DMD: variants seen among roughly 807,000 people sequenced by gnomAD.
The protein encoded by DMD is dystrophin, also known as mutant dystrophin.
Under a neutral mutation model 330.1 loss-of-function variants are expected in DMD, and 63 were observed. That is an observed-to-expected ratio of 0.19 (90% confidence interval 0.16 to 0.24). DMD has a LOEUF of 0.24. Among genes scored for constraint, DMD ranks in the 10% least tolerant of loss-of-function variants. The pLI is 1.00. For missense variants in DMD, 3,344 were observed against 2,684.1 expected (o/e 1.25, Z -5.43); for synonymous variants, 1,223 against 959.8 (o/e 1.27, Z -5.07).
chrX:32,869,358 C>T (rs1252960911), intron 2 of DMD, among the ~76,000 whole-genome samples: 1 of 110,874 alleles, frequency 9.0e-6, no homozygotes, highest in Admixed American at 9.6e-5. Flanking sequence ...CAAGTGATTG[C>T]AACTCCTCTC....
At chrX:31,315,974 G>A (rs2055973714) in intron 62 of DMD, among the ~76,000 whole-genome samples, 1 of 112,197 alleles carries the variant, frequency 8.9e-6, no homozygotes, top group Non-Finnish European at 1.9e-5. Flanking sequence ...ACAGACTCTA[G>A]TTCTACTGAA....
intron 17 of DMD, among the ~76,000 whole-genome samples, chrX:32,523,770 T>C (rs1344176245): frequency 9.0e-6 from 1 of 111,535 alleles, no homozygotes; most frequent in African/African-American, 3.3e-5. Flanking sequence ...ATGTCTGCTA[T>C]GACCTGTATA....
intron 2 of DMD, among the ~76,000 whole-genome samples, chrX:32,872,920 C>T (rs920398317): frequency 1.4e-4 from 16 of 111,637 alleles, no homozygotes; most frequent in African/African-American, 4.6e-4. Flanking sequence ...GACTCCAGTG[C>T]CTCATGCATT....
chrX:31,484,066 CCATAAACTG>C (rs1370216394), intron 57 of DMD, among the ~76,000 whole-genome samples: 3 of 110,881 alleles, frequency 2.7e-5, no homozygotes, highest in Non-Finnish European at 5.7e-5. Flanking sequence ...TAATAACTCA[CCATAAACTG>C]CATGTTGTAG....
intron 55 of DMD, among the ~76,000 whole-genome samples, chrX:31,621,943 T>C (rs2078554767): frequency 8.9e-6 from 1 of 112,047 alleles, no homozygotes; most frequent in South Asian, 3.7e-4. Context: ...TGACTTTCTC[T>C]AAACAGAGGT....
chrX:31,541,675 C>A lies in DMD; in HGVS notation c.8218-34222G>T, dbSNP rs532635725. ...CCTACAAAGGACTTGAACTCATCCT[C>A]TTTATGGCTGCATAGTATTCCATGA... On this transcript the variant is annotated intron_variant, in intron 55 of 78. Coordinates refer to ENST00000357033, the MANE Select transcript of DMD (RefSeq NM_004006.3). 4.5e-5 allele frequency among the ~76,000 whole-genome samples: 5 copies of A among 110,875 alleles called. No individual in the cohort carries two copies. In the South Asian group the frequency reaches 1.9e-3, roughly 43 times the overall value.
At chrX:31,427,832 T>C (rs2063798841) in intron 60 of DMD, among the ~76,000 whole-genome samples, 1 of 111,608 alleles carries the variant, frequency 9.0e-6, no homozygotes, top group East Asian at 2.8e-4. Flanking sequence ...CTCTAAGAGA[T>C]TGGTGGCTCC....
intron 1 of DMD, among the ~76,000 whole-genome samples, chrX:33,298,289 G>A (rs190990610): frequency 5.4e-5 from 6 of 111,251 alleles, no homozygotes; most frequent in East Asian, 2.8e-4. Context: ...TGTGTTAGCC[G>A]CACATATCTC....
intron 61 of DMD, among the ~76,000 whole-genome samples, chrX:31,344,111 A>G (rs972114081): frequency 1.2e-4 from 13 of 108,598 alleles, no homozygotes; most frequent in African/African-American, 3.7e-4. Flanking sequence ...TCAGTTTCCC[A>G]AAGAATTGGG....
intron 43 of DMD, among the ~76,000 whole-genome samples, chrX:32,262,850 C>G (rs752071528): frequency 1.4e-3 from 159 of 111,823 alleles, no homozygotes; most frequent in Middle Eastern, 4.6e-3. Context: ...AATGGTCCAC[C>G]TTCCTTGCTT....
At chrX:32,400,320 G>A (rs1179604253) in intron 30 of DMD, among the ~76,000 whole-genome samples, 1 of 111,337 alleles carries the variant, frequency 9.0e-6, no homozygotes, top group Non-Finnish European at 1.9e-5. Flanking sequence ...ACTTGATCAT[G>A]GTGGATAAGC....
At chrX:32,032,905 G>GA (rs2095897041) in intron 44 of DMD, among the ~76,000 whole-genome samples, 1 of 112,031 alleles carries the variant, frequency 8.9e-6, no homozygotes. Flanking sequence ...TGTGCACAGA[G>GA]TTCCTCACAG....
At chrX:32,278,080 A>C (rs1231197671) in intron 43 of DMD, among the ~76,000 whole-genome samples, 1 of 111,731 alleles carries the variant, frequency 9.0e-6, no homozygotes, top group Non-Finnish European at 1.9e-5. Flanking sequence ...CTAATGAAGA[A>C]AAAAGGGAGA....
intron 43 of DMD, among the ~76,000 whole-genome samples, chrX:32,264,555 AG>A (rs2097336652): frequency 8.9e-6 from 1 of 111,952 alleles, no homozygotes; most frequent in African/African-American, 3.2e-5. Context: ...AGAGAATTGG[AG>A]GGGTCAGAAG....
At chrX:31,968,620 A>G in intron 44 of DMD, 106 bp from the exon 45 acceptor site, 1 of 874,607 alleles carries the variant, frequency 1.1e-6, no homozygotes, top group South Asian at 2.2e-5. Flanking sequence ...GCAAAGAAAG[A>G]AATACAAAAG....
At chrX:32,805,702 C>G (rs975392465) in intron 7 of DMD, among the ~76,000 whole-genome samples, 4 of 111,587 alleles carry the variant, frequency 3.6e-5, no homozygotes, top group Non-Finnish European at 7.5e-5. Flanking sequence ...GTCGGCTTAC[C>G]CACAAAGGGA....
At chrX:31,769,691 G>A (rs1325656953) in intron 51 of DMD, among the ~76,000 whole-genome samples, 2 of 112,133 alleles carry the variant, frequency 1.8e-5, no homozygotes, top group Non-Finnish European at 3.8e-5. Flanking sequence ...GGACGCATGT[G>A]GCTCACAGGC....
At chrX:32,724,615 T>C (rs1490094014) in intron 7 of DMD, among the ~76,000 whole-genome samples, 1 of 111,560 alleles carries the variant, frequency 9.0e-6, no homozygotes, top group Non-Finnish European at 1.9e-5. Context: ...AATTGTACAG[T>C]TGAACCATGT....
intron 7 of DMD, among the ~76,000 whole-genome samples, chrX:32,749,641 C>A (rs1820488792): frequency 8.9e-6 from 1 of 112,513 alleles, no homozygotes; most frequent in Non-Finnish European, 1.9e-5. Flanking sequence ...AAGTTCTTAA[C>A]ACGTTTGGAC....
Sources: gnomAD v4.1 joint callset for allele counts (sites outside exome capture counted in the v4.1 genomes callset) on GRCh38, gnomAD v4.1.1 for gene constraint, MANE v1.5 for transcripts, NCBI Gene and HGNC (gene_info 2026-07-23, HGNC 2026-07-21) for gene names.